The following ME1 variants were observed in gnomAD, a reference collection of about 807,000 sequenced individuals.
ME1 encodes the protein malic enzyme 1.
A neutral mutation model predicts 66.4 loss-of-function variants in ME1; 74 were observed. The ratio of observed to expected loss-of-function variants is 1.11; its 90% CI spans 0.92 to 1.35. The LOEUF is 1.35. Among genes scored for constraint, ME1 ranks in the 40% most tolerant of loss-of-function variants. ME1 has a pLI of 0.00. For synonymous variants in ME1, 251 were observed against 235.6 expected, an observed-to-expected ratio of 1.07 and a Z score of -0.60; for missense variants, 750 against 694.1, an observed-to-expected ratio of 1.08 and a Z score of -0.90.
intron 5 of ME1, among the ~76,000 whole-genome samples, chr6:83,329,241 C>T (rs1038154817): frequency 1.3e-5 from 2 of 152,178 alleles, no homozygotes; most frequent in African/African-American, 4.8e-5. Flanking sequence ...CCATTCAGAA[C>T]TACCCAACAT....
chr6:83,409,185 A>C (rs2128552190), intron 1 of ME1, among the ~76,000 whole-genome samples: 1 of 152,282 alleles, frequency 6.6e-6, no homozygotes, highest in Admixed American at 6.5e-5. Context: ...GAGCTGTAAG[A>C]AATAAATTTA....
intron 1 of ME1, among the ~76,000 whole-genome samples, chr6:83,430,182 AAAAACAAAAC>A (rs558746166): frequency 1.3e-3 from 204 of 152,066 alleles, no homozygotes; most frequent in African/African-American, 4.1e-3. Flanking sequence ...AAGCCAAATT[AAAAACAAAAC>A]AAAACAAAAC....
Position 83,398,284 on chromosome 6 carries a change from A to G in ME1, c.362+83T>C, listed in dbSNP as rs181349951. On this transcript the variant is annotated intron_variant, in intron 3 of 13. Transcript: ENST00000369705. Reference sequence around the variant, plus strand: ...CAATTTTATTGTCAAATTTAAAATAATAATAATAAATTTTAAATTCGTTAA... The same window carrying G: ...CAATTTTATTGTCAAATTTAAAATAGTAATAATAAATTTTAAATTCGTTAA... The G allele has an allele frequency of 7.5e-5, 70 of 935,800 alleles. 1 individual carries two copies. In the East Asian group the frequency reaches 1.7e-3, roughly 23 times the overall value. 58.0% of individuals were successfully genotyped at this position (935,800 alleles called of 1,614,324 possible).
chr6:83,382,872 C>G (rs1769433771), intron 3 of ME1, among the ~76,000 whole-genome samples: 1 of 150,630 alleles, frequency 6.6e-6, no homozygotes, highest in African/African-American at 2.5e-5. Context: ...GATGTTTGGT[C>G]AAACATTCTA....
chr6:83,212,309 A>G (rs145126646), intron 13 of ME1, among the ~76,000 whole-genome samples: 2,015 of 152,352 alleles, frequency 0.013, 24 homozygotes, highest in Non-Finnish European at 0.021. Context: ...ATCAGCAACT[A>G]AGGAAAGTGT....
intron 6 of ME1, 147 bp downstream of exon 6, chr6:83,315,163 A>G (rs1454001527): frequency 3.4e-6 from 2 of 581,062 alleles, no homozygotes; most frequent in Non-Finnish European, 6.1e-6. Context: ...TTGTCCATTA[A>G]CAGTTATGAG....
At chr6:83,240,600 T>G (rs980770673) in intron 7 of ME1, among the ~76,000 whole-genome samples, 2 of 152,122 alleles carry the variant, frequency 1.3e-5, no homozygotes, top group Admixed American at 1.3e-4. Flanking sequence ...GTATCTATAC[T>G]TTACTCCTCC....
At chr6:83,304,718 T>C (rs1236804478) in intron 6 of ME1, among the ~76,000 whole-genome samples, 1 of 152,182 alleles carries the variant, frequency 6.6e-6, no homozygotes, top group Non-Finnish European at 1.5e-5. Flanking sequence ...TTATAGTTAG[T>C]GAAATAAAAG....
At chr6:83,404,643 T>G (rs1769901856) in intron 2 of ME1, among the ~76,000 whole-genome samples, 1 of 152,234 alleles carries the variant, frequency 6.6e-6, no homozygotes. Context: ...GTTTTAGGTC[T>G]TACGTTTAAA....
intron 6 of ME1, among the ~76,000 whole-genome samples, chr6:83,311,575 G>A (rs1170347): frequency 0.25 from 38,619 of 151,922 alleles, 5,596 homozygotes; most frequent in Middle Eastern, 0.46. Context: ...AAATCCATAA[G>A]ATGAACATAT....
At chr6:83,231,396 A>G (rs1299818709) in intron 9 of ME1, among the ~76,000 whole-genome samples, 1 of 152,184 alleles carries the variant, frequency 6.6e-6, no homozygotes, top group African/African-American at 2.4e-5. Context: ...GAATGCTGAA[A>G]AAAGTCCAGG....
intron 1 of ME1, among the ~76,000 whole-genome samples, chr6:83,411,361 C>T (rs1476062393): frequency 1.3e-5 from 2 of 150,258 alleles, no homozygotes; most frequent in African/African-American, 4.9e-5. Flanking sequence ...AAGACTCCGT[C>T]TCAAGAAAAA....
At chr6:83,402,898 T>C (rs1471619207) in intron 2 of ME1, among the ~76,000 whole-genome samples, 1 of 152,244 alleles carries the variant, frequency 6.6e-6, no homozygotes, top group African/African-American at 2.4e-5. Context: ...AAGAAGACTG[T>C]AATTGCCATA....
At chr6:83,285,334 T>C (rs898343172) in intron 6 of ME1, among the ~76,000 whole-genome samples, 1 of 152,164 alleles carries the variant, frequency 6.6e-6, no homozygotes, top group Non-Finnish European at 1.5e-5. Context: ...AAACCAGAGA[T>C]AAAGTGAATA....
intron 12 of ME1, among the ~76,000 whole-genome samples, chr6:83,222,485 C>A (rs1035197154): frequency 3.9e-5 from 6 of 152,154 alleles, no homozygotes; most frequent in African/African-American, 1.2e-4. Context: ...CAATCAAGTT[C>A]TTTGGATCAG....
chr6:83,223,742 T>C lies in ME1; in HGVS notation c.1449+18A>G, dbSNP rs375866412. 156 of 1,610,214 alleles carry C rather than the reference T, an allele frequency of 9.7e-5. No individual in the cohort carries two copies. Among genetic ancestry groups the C allele is most frequent in the Non-Finnish European group, 1.2e-4 (147 of 1,177,126 alleles). ...TGGTATTTTAAACCCTTGGTAAACT[T>C]AGAGGATTTTACAATACCTCAGCAG... On this transcript the variant is annotated intron_variant, in intron 12 of 13. Coordinates refer to ENST00000369705, the MANE Select transcript of ME1 (RefSeq NM_002395.6).
chr6:83,271,090 G>A (rs943706197), intron 6 of ME1, among the ~76,000 whole-genome samples: 9 of 151,326 alleles, frequency 5.9e-5, no homozygotes, highest in East Asian at 1.9e-4. Flanking sequence ...TTTACTTTCC[G>A]GTAATATAAA....
Position 83,283,428 on chromosome 6 carries a change from G to A in ME1, c.705-29690C>T, listed in dbSNP as rs552662832. Among the ~76,000 whole-genome samples the A allele has an allele frequency of 7.0e-4, 106 of 151,520 alleles. 1 individual carries two copies. The South Asian group carries it at 8.2e-3, about 12-fold the overall frequency. On this transcript the variant is annotated intron_variant, in intron 6 of 13. Coordinates refer to ENST00000369705, the MANE Select transcript of ME1 (RefSeq NM_002395.6). The stretch of plus-strand genomic sequence containing the variant: ...ACACACCAGGACCTCTCATGGGGTG[G>A]GGGGAAAGGAGAGGGAGAGCATTAG...
chr6:83,320,406 T>C (rs1768128659), intron 5 of ME1, among the ~76,000 whole-genome samples: 1 of 152,214 alleles, frequency 6.6e-6, no homozygotes, highest in Non-Finnish European at 1.5e-5. Context: ...ATCTTACTTA[T>C]AATGTATTGC....
Sources: allele counts gnomAD v4.1 joint callset (sites outside exome capture counted in the v4.1 genomes callset), GRCh38; gene constraint gnomAD v4.1.1; transcripts MANE v1.5; gene names NCBI Gene and HGNC (gene_info 2026-07-23, HGNC 2026-07-21).